Variants in HLA-DMB observed in about 807,000 individuals in gnomAD.
The protein encoded by HLA-DMB is major histocompatibility complex, class II, DM beta.
A neutral mutation model predicts 29.3 loss-of-function variants in HLA-DMB; 18 were observed. The observed-to-expected ratio is 0.62, with a 90% CI of 0.43 to 0.91. The LOEUF is 0.91. Among genes scored for constraint, HLA-DMB ranks in the 40% least tolerant of loss-of-function variants. HLA-DMB has a pLI of 0.00. For missense variants in HLA-DMB, 258 were observed against 320.9 expected (o/e 0.80, Z 1.50); for synonymous variants, 143 against 128.7 (o/e 1.11, Z -0.75).
intron 1 of HLA-DMB, among the ~76,000 whole-genome samples, 176 bp downstream of exon 1, chr6:32,940,577 G>A (rs1457928665): frequency 6.6e-6 from 1 of 152,154 alleles, no homozygotes; most frequent in Non-Finnish European, 1.5e-5. Context: ...AATATACACT[G>A]CACAGATAAT....
At chr6:32,935,015 G>A in intron 5 of HLA-DMB, 28 bp from the exon 6 acceptor site, 1 of 1,612,484 alleles carries the variant, frequency 6.2e-7, no homozygotes, top group South Asian at 1.1e-5. Context: ...GGGAGATAAT[G>A]AGGCTTCAAC....
At chr6:32,939,179 T>C (rs1776201864) in intron 1 of HLA-DMB, among the ~76,000 whole-genome samples, 1 of 152,220 alleles carries the variant, frequency 6.6e-6, no homozygotes, top group African/African-American at 2.4e-5. Flanking sequence ...GGAGTGTCTT[T>C]TGTTCTAATG....
intron 1 of HLA-DMB, 77 bp from the exon 2 acceptor site, chr6:32,939,042 T>A: frequency 1.2e-6 from 1 of 867,106 alleles, no homozygotes; most frequent in Non-Finnish European, 1.6e-6. Context: ...ATATAAATAA[T>A]AAATATACAC....
In HLA-DMB at chr6:32,937,050, G is replaced by A. The variant is rs565404602; in HGVS notation, c.622+122C>T. ...TCCCCATTCTGGTCCTAAGCCCCCCGTAAGTTCCTCCAGACTCAGTCCCCA... is the reference window on the plus strand; with the variant it reads ...TCCCCATTCTGGTCCTAAGCCCCCCATAAGTTCCTCCAGACTCAGTCCCCA... On this transcript the variant is annotated intron_variant, in intron 3 of 5. Transcript: ENST00000418107. The surrounding 1 kb of genome is among the most constrained non-coding windows in gnomAD (Gnocchi z 4.1). The A allele has an allele frequency of 9.3e-5, 68 of 732,518 alleles. No individual in the cohort carries two copies. The highest frequency in any genetic ancestry group is 7.7e-4 in the African/African-American group (43 of 56,004). The allele number at this position is 732,518 out of a possible 1,614,324, so 45.4% of individuals were successfully genotyped here. A position where few individuals can be genotyped will look rare whatever the true frequency, so the allele number is the denominator to read the frequency against.
chr6:32,938,650 TCCTGGTAGCC>T, intron 2 of HLA-DMB, 24 bp downstream of exon 2: 3 of 1,439,070 alleles, frequency 2.1e-6, no homozygotes, highest in Non-Finnish European at 2.8e-6. Flanking sequence ...TAACTGCACT[TCCTGGTAGCC>T]CCTCTGCACC....
At position 32,937,559 on chromosome 6, in the gene HLA-DMB, C is replaced by T. The variant is rs1776083464; in HGVS notation, c.338-103G>A. ...GCAACTCTTCGTAGATTTTGCAACC[C>T]ACTTTCCACCCCAGCCCCCTCTGCC... On this transcript the variant is annotated intron_variant, in intron 2 of 5. Transcript: ENST00000418107. The surrounding 1 kb of genome is among the most constrained non-coding windows in gnomAD (Gnocchi z 4.1). 1 of 1,087,222 alleles carries T rather than the reference C, an allele frequency of 9.2e-7. No individual in the cohort carries two copies. Among genetic ancestry groups the T allele is most frequent in the East Asian group, 2.4e-5 (1 of 41,282 alleles). The allele number at this position is 1,087,222 out of a possible 1,614,324, so 67.3% of individuals were successfully genotyped here. A position where few individuals can be genotyped will look rare whatever the true frequency, so the allele number is the denominator to read the frequency against.
chr6:32,935,076 G>T, intron 5 of HLA-DMB, 89 bp from the exon 6 acceptor site: 1 of 1,479,758 alleles, frequency 6.8e-7, no homozygotes, highest in Non-Finnish European at 9.4e-7. Flanking sequence ...CCTTAATACA[G>T]TGATACTGAA....
rs1290811426 is a variant in HLA-DMB at position 32,935,637 on chromosome 6, G to T, written c.638C>A (p.Pro213His). Residue 213 changes from proline to histidine, a missense_variant, in exon 4 of 6, where the codon CCC (proline) becomes CAC (histidine). Coordinates refer to ENST00000418107, the MANE Select transcript of HLA-DMB (RefSeq NM_002118.5). Reference protein sequence around the residue: ...ILRDWTPGLSPMQTLKVSVSA... With the variant: ...ILRDWTPGLSHMQTLKVSVSA... Reference sequence around the variant, plus strand: ...CACAGAAACCTTCAGGGTCTGCATGGGGGACAGCCCAGGTGCTGCAAAAAA... The same window carrying T: ...CACAGAAACCTTCAGGGTCTGCATGTGGGACAGCCCAGGTGCTGCAAAAAA... 1.9e-6 allele frequency: 3 copies of T among 1,612,432 alleles called. No individual in the cohort carries two copies. Among genetic ancestry groups the T allele is most frequent in the Non-Finnish European group, 2.5e-6 (3 of 1,179,736 alleles).
At chr6:32,939,321 T>A (rs933528703) in intron 1 of HLA-DMB, among the ~76,000 whole-genome samples, 1 of 152,212 alleles carries the variant, frequency 6.6e-6, no homozygotes, top group Non-Finnish European at 1.5e-5. Flanking sequence ...GAGTTAATAA[T>A]CAGTCATGCC....
Position 32,935,338 on chromosome 6 carries a change from T to C in HLA-DMB, c.775+4A>G, listed in dbSNP as rs1775942581. 2 of 1,609,832 alleles carry C rather than the reference T, an allele frequency of 1.2e-6. No homozygotes were observed. The highest frequency in any genetic ancestry group is 1.3e-5 in the African/African-American group (1 of 74,828). ...GTAGGGAAACAGACCAACAGAGATG[T>C]TACCTTCTGAATAATTGGACCCAGG... is the stretch of plus-strand genomic sequence containing the variant. On this transcript the variant is annotated splice_donor_region_variant and intron_variant, in intron 5 of 5. Transcript: ENST00000418107.
At chr6:32,936,091 A>C in intron 3 of HLA-DMB, 1 of 175,120 alleles carries the variant, frequency 5.7e-6, no homozygotes, top group South Asian at 1.3e-4. Context: ...CAGTGGATCC[A>C]TCCTGTGAGT....
chr6:32,937,248 T>G lies in HLA-DMB; in HGVS notation c.546A>C (p.Leu182Phe). 6.2e-7 allele frequency: 1 copy of G among 1,614,112 alleles called. No individual in the cohort carries two copies. Among genetic ancestry groups the G allele is most frequent in the East Asian group, 2.2e-5 (1 of 44,868 alleles). Residue 182 changes from leucine (L) to phenylalanine (F), a missense_variant, in exon 3 of 6, where the codon TTA (leucine) becomes TTC (phenylalanine). Coordinates refer to ENST00000418107, the MANE Select transcript of HLA-DMB (RefSeq NM_002118.5). This position sits in a 1 kb window ranked among gnomAD's most constrained non-coding sequence, Gnocchi z 4.1. ...WTYQTLSHLA[L>F]TPSYGDTYTC... ...TGTAAGTGTCCCCGTAAGAGGGGGT[T>G]AAGGCTAAATGGGAGAGGGTCTGGT...
intron 5 of HLA-DMB, 21 bp downstream of exon 5, chr6:32,935,321 A>G (rs1775940780): frequency 1.2e-6 from 2 of 1,605,314 alleles, no homozygotes; most frequent in Non-Finnish European, 1.7e-6. Flanking sequence ...AAGTAGGGAA[A>G]CAGACCAACA....
chr6:32,935,249 T>C, intron 5 of HLA-DMB, 93 bp downstream of exon 5: 1 of 1,056,556 alleles, frequency 9.5e-7, no homozygotes, highest in Non-Finnish European at 1.5e-6. Context: ...CTCACCCATA[T>C]AATAATCAAG....
intron 3 of HLA-DMB, chr6:32,935,906 A>G (rs1470365206): frequency 5.7e-6 from 3 of 529,346 alleles, no homozygotes; most frequent in Non-Finnish European, 1.0e-5. Flanking sequence ...CCTCTCTAAT[A>G]CAGTGGGGCC....
Position 32,934,783 on chromosome 6 carries a change from G to C in HLA-DMB, c.*188C>G. 1 of 630,844 alleles carries C rather than the reference G, an allele frequency of 1.6e-6. No homozygotes were observed. Among genetic ancestry groups the C allele is most frequent in the Non-Finnish European group, 2.8e-6 (1 of 356,570 alleles). 39.1% of individuals were successfully genotyped at this position (630,844 alleles called of 1,614,324 possible). The stretch of plus-strand genomic sequence containing the variant: ...TGGACAATAATTTGGTTACAGCATA[G>C]TCCCAGGAATGAGGTCCCCCAAGTT... On this transcript the variant is annotated 3_prime_UTR_variant, in exon 6 of 6. Transcript: ENST00000418107.
At chr6:32,938,594 T>C in intron 2 of HLA-DMB, 90 bp downstream of exon 2, 1 of 1,269,488 alleles carries the variant, frequency 7.9e-7, no homozygotes, top group Non-Finnish European at 1.0e-6. Context: ...GCTGCTCAAA[T>C]CTCAAACCCC....
At position 32,938,772 on chromosome 6, in the gene HLA-DMB, T is replaced by C; in HGVS notation, c.249A>G (p.Lys83=). Residue 83 remains lysine (K), a synonymous_variant, in exon 2 of 6, where the codon AAA becomes AAG. Transcript: ENST00000418107. The part of the protein sequence containing the change: ...ANVLSQHLNQ[K]DTLMQRLRNG... The stretch of plus-strand genomic sequence containing the variant: ...TGCGCAAGCGCTGCATCAGGGTGTC[T>C]TTTTGGTTGAGGTGCTGTGAGAGGA... 6.2e-7 allele frequency: 1 copy of C among 1,607,634 alleles called. No individual in the cohort carries two copies. The highest frequency in any genetic ancestry group is 8.5e-7 in the Non-Finnish European group (1 of 1,177,492).
Position 32,938,958 on chromosome 6 carries a change from G to A in HLA-DMB, c.63C>T (p.Phe21=), listed in dbSNP as rs1156879199. The A allele has an allele frequency of 1.9e-6, 3 of 1,559,792 alleles. No individual in the cohort carries two copies. Among genetic ancestry groups the A allele is most frequent in the Non-Finnish European group, 2.6e-6 (3 of 1,151,584 alleles). Reference sequence around the variant, plus strand: ...GACAGGTGCTTTCCACATGGGCCACGAAGCCACCTAGAGGAGCCAGGGAAG... The same window carrying A: ...GACAGGTGCTTTCCACATGGGCCACAAAGCCACCTAGAGGAGCCAGGGAAG... ...LSLGCTGAGG[F]VAHVESTCLL... Residue 21 remains phenylalanine, a synonymous_variant, in exon 2 of 6, where the codon TTC becomes TTT. Coordinates refer to ENST00000418107, the MANE Select transcript of HLA-DMB (RefSeq NM_002118.5).
Sources: allele counts gnomAD v4.1 joint callset (sites outside exome capture counted in the v4.1 genomes callset), GRCh38; gene constraint gnomAD v4.1.1; non-coding constraint Gnocchi (gnomAD v3.1); transcripts MANE v1.5; gene names NCBI Gene and HGNC (gene_info 2026-07-23, HGNC 2026-07-21).